Variants in ABI3BP observed in about 807,000 individuals in gnomAD.
The protein encoded by ABI3BP is target of Nesh-SH3.
In ABI3BP, 216 loss-of-function variants were observed where a neutral mutation model predicts 268.6. The observed-to-expected ratio is 0.80, with a 90% confidence interval of 0.72 to 0.90. The LOEUF (loss-of-function observed/expected upper bound fraction) is 0.90, where lower values mean the gene tolerates loss of function less well. Ranked by LOEUF, ABI3BP falls within the 40% of genes least tolerant of loss-of-function variation. ABI3BP has a pLI of 0.00. For synonymous variants in ABI3BP, 730 were observed against 730.0 expected (o/e 1.00, Z 0.00); for missense variants, 2,090 against 2,182.4 (o/e 0.96, Z 0.84).
intron 63 of ABI3BP, among the ~76,000 whole-genome samples, chr3:100,763,319 C>T (rs971241642): frequency 4.0e-5 from 6 of 151,694 alleles, no homozygotes; most frequent in Admixed American, 6.6e-5. Flanking sequence ...AAAAAGTAGC[C>T]GGGTGTGGTG....
intron 36 of ABI3BP, 105 bp from the exon 37 acceptor site, chr3:100,823,619 C>A (rs200168732): frequency 3.4e-4 from 246 of 731,938 alleles, no homozygotes; most frequent in South Asian, 6.7e-4. Flanking sequence ...TCCAGAGAAA[C>A]AAAAAAAAAA....
chr3:100,865,382 CTT>C (rs1257648397), intron 10 of ABI3BP, among the ~76,000 whole-genome samples: 3 of 152,168 alleles, frequency 2.0e-5, no homozygotes, highest in African/African-American at 4.8e-5. Flanking sequence ...CATTATAAGA[CTT>C]CTCTCTTACA....
chr3:100,910,683 C>T (rs2056029196), intron 2 of ABI3BP, among the ~76,000 whole-genome samples: 1 of 151,910 alleles, frequency 6.6e-6, no homozygotes, highest in Admixed American at 6.6e-5. Context: ...CCTCACTTTT[C>T]CAGTTATAAA....
At chr3:100,836,736 G>A (rs1244306307) in intron 27 of ABI3BP, among the ~76,000 whole-genome samples, 1 of 152,164 alleles carries the variant, frequency 6.6e-6, no homozygotes, top group Non-Finnish European at 1.5e-5. Context: ...ACCATCATGA[G>A]CTCCTTATAA....
At chr3:100,777,107 A>G (rs1185953805) in intron 59 of ABI3BP, among the ~76,000 whole-genome samples, 1 of 152,218 alleles carries the variant, frequency 6.6e-6, no homozygotes. Context: ...AAAATGACCT[A>G]GAGTTCACTG....
At chr3:100,895,410 A>C (rs770682022) in intron 4 of ABI3BP, among the ~76,000 whole-genome samples, 3 of 152,344 alleles carry the variant, frequency 2.0e-5, no homozygotes, top group Non-Finnish European at 2.9e-5. Flanking sequence ...AAAACAAAAC[A>C]AAAACAATGA....
At chr3:100,976,638 C>A (rs897263801) in intron 1 of ABI3BP, among the ~76,000 whole-genome samples, 1 of 152,136 alleles carries the variant, frequency 6.6e-6, no homozygotes, top group Non-Finnish European at 1.5e-5. Context: ...ATAATGCCTA[C>A]CCTGGAGATA....
chr3:100,790,019 T>C (rs1191418699), intron 55 of ABI3BP, among the ~76,000 whole-genome samples: 1 of 152,048 alleles, frequency 6.6e-6, no homozygotes, highest in African/African-American at 2.4e-5. Context: ...TCTTTGCTCA[T>C]GAACCTGAAA....
At chr3:100,837,385 A>C (rs985525663) in intron 26 of ABI3BP, 2 of 453,886 alleles carry the variant, frequency 4.4e-6, no homozygotes, top group Non-Finnish European at 7.7e-6. Context: ...TTTCAACTGC[A>C]AAACAGTTGG....
Position 100,835,637 on chromosome 3 carries a change from C to T in ABI3BP, c.2155G>A (p.Val719Ile). The T allele has an allele frequency of 1.3e-6, 2 of 1,535,262 alleles. No homozygotes were observed. The highest frequency in any genetic ancestry group is 1.7e-6 in the Non-Finnish European group (2 of 1,146,342). Residue 719 changes from valine (V) to isoleucine (I), a missense_variant, in exon 28 of 68, where the codon GTA becomes ATA. Val to Ile is a conservative substitution (Grantham distance 29). Transcript: ENST00000471714. ...TIVPTTDIEP[V>I]TVRTEATVTT... ...ACTGTAGCCTCAGTTCTCACAGTTA[C>T]AGGCTCAATGTCTGTGGTGGGAACT...
intron 1 of ABI3BP, among the ~76,000 whole-genome samples, chr3:100,966,154 G>A (rs2081224192): frequency 6.6e-6 from 1 of 152,152 alleles, no homozygotes; most frequent in African/African-American, 2.4e-5. Flanking sequence ...AACACTAATT[G>A]TTTCCATAGT....
intron 1 of ABI3BP, among the ~76,000 whole-genome samples, chr3:100,979,159 G>A (rs980141138): frequency 1.3e-5 from 2 of 152,352 alleles, no homozygotes; most frequent in Admixed American, 6.5e-5. Flanking sequence ...GATGATGCTT[G>A]CTAAGCTAGA....
intron 1 of ABI3BP, among the ~76,000 whole-genome samples, chr3:100,938,148 G>C (rs2067118944): frequency 6.6e-6 from 1 of 152,032 alleles, no homozygotes; most frequent in South Asian, 2.1e-4. Flanking sequence ...CCTACTTGAA[G>C]AAGGAGGATG....
intron 1 of ABI3BP, among the ~76,000 whole-genome samples, chr3:100,965,974 A>C (rs1394277967): frequency 1.3e-5 from 2 of 152,188 alleles, no homozygotes; most frequent in Non-Finnish European, 2.9e-5. Flanking sequence ...GGAGGACTTC[A>C]ACCAAGGGCA....
intron 59 of ABI3BP, 34 bp downstream of exon 59, chr3:100,778,250 A>G (rs759795636): frequency 2.5e-6 from 4 of 1,600,908 alleles, no homozygotes; most frequent in Admixed American, 1.7e-5. Context: ...AACCGAAATC[A>G]TGGCGGGAAA....
chr3:100,978,462 G>C (rs1197099330), intron 1 of ABI3BP, among the ~76,000 whole-genome samples: 2 of 152,134 alleles, frequency 1.3e-5, no homozygotes, highest in Admixed American at 6.6e-5. Flanking sequence ...TACACAAGTG[G>C]AATGACTCCC....
At chr3:100,902,282 C>A (rs1056485699) in intron 3 of ABI3BP, among the ~76,000 whole-genome samples, 25 of 152,172 alleles carry the variant, frequency 1.6e-4, no homozygotes, top group African/African-American at 6.0e-4. Context: ...AGGAGCTAAC[C>A]CCAAATGAGC....
chr3:100,919,096 G>A (rs1047682465), intron 2 of ABI3BP, among the ~76,000 whole-genome samples: 1 of 152,236 alleles, frequency 6.6e-6, no homozygotes, highest in Non-Finnish European at 1.5e-5. Context: ...CTGCCAGGAA[G>A]AGAGGGCTCA....
intron 57 of ABI3BP, among the ~76,000 whole-genome samples, chr3:100,782,506 A>G (rs1413512005): frequency 6.6e-6 from 1 of 152,126 alleles, no homozygotes; most frequent in Admixed American, 6.5e-5. Context: ...AATGGATAGA[A>G]GCCAGTGGTG....
Sources: allele counts gnomAD v4.1 joint callset (sites outside exome capture counted in the v4.1 genomes callset), GRCh38; gene constraint gnomAD v4.1.1; transcripts MANE v1.5; gene names NCBI Gene and HGNC (gene_info 2026-07-23, HGNC 2026-07-21).